The following PHACTR2 variants were observed in gnomAD, a reference collection of about 807,000 sequenced individuals.
PHACTR2 encodes phosphatase and actin regulator 2.
Under a neutral mutation model 76.0 loss-of-function variants are expected in PHACTR2, and 30 were observed. The observed-to-expected ratio is 0.39, with a 90% CI of 0.30 to 0.54. The LOEUF (loss-of-function observed/expected upper bound fraction) is 0.54. Ranked by LOEUF, PHACTR2 falls within the 20% of genes least tolerant of loss-of-function variation. The probability of loss-of-function intolerance (pLI) is 0.61; values close to 1 mark genes in which losing one functional copy is unlikely to be tolerated. For synonymous variants in PHACTR2, 292 were observed against 292.5 expected (o/e 1.00, Z 0.02); for missense variants, 696 against 781.1 (o/e 0.89, Z 1.30).
rs1457909255 is a variant in PHACTR2, at chr6:143,653,227, T to C, written c.13+44905T>C. On this transcript the variant is annotated intron_variant, in intron 1 of 11. Transcript: ENST00000305766. The surrounding 1 kb of genome is among the most constrained non-coding windows in gnomAD (Gnocchi z 4.9). ...TTGTGCATCGAGACTCGAGCTGCTT[T>C]GGAGTTTCCCTCTGGATTTTAGTCA... is the stretch of plus-strand genomic sequence containing the variant. Among the ~76,000 whole-genome samples, 1 of 152,198 alleles carries C rather than the reference T, an allele frequency of 6.6e-6. No individual in the cohort carries two copies. The highest frequency in any genetic ancestry group is 2.4e-5 in the African/African-American group (1 of 41,448).
Position 143,608,389 on chromosome 6 carries a change from G to T in PHACTR2, c.13+67G>T. Reference sequence around the variant, plus strand: ...CTTTGCAGCCCGCATCCTTTACTGCGGAAGGTTTGCCTATTTGTTGCTCTC... The same window carrying T: ...CTTTGCAGCCCGCATCCTTTACTGCTGAAGGTTTGCCTATTTGTTGCTCTC... On this transcript the variant is annotated intron_variant, in intron 1 of 11. Transcript: ENST00000305766. The surrounding 1 kb of genome is among the most constrained non-coding windows in gnomAD (Gnocchi z 4.6). 10 of 1,532,910 alleles carry T rather than the reference G, an allele frequency of 6.5e-6. No homozygotes were observed. The highest frequency in any genetic ancestry group is 9.0e-6 in the Non-Finnish European group (10 of 1,107,412). 95.0% of individuals were successfully genotyped at this position (1,532,910 alleles called of 1,614,324 possible). A position where few individuals can be genotyped will look rare whatever the true frequency, so the allele number is the denominator to read the frequency against.
rs1011646435 is a variant in PHACTR2, at chr6:143,681,370, A to G, written c.46+3161A>G. ...TACTAATGACCTTGAGCATCTTTTC[A>G]TGTGCTATTGGCCATTTGTATATCT... On this transcript the variant is annotated intron_variant, in intron 1 of 12. Coordinates refer to ENST00000440869, the MANE Select transcript of PHACTR2 (RefSeq NM_001100164.2). 2.0e-5 allele frequency among the ~76,000 whole-genome samples: 3 copies of G among 151,988 alleles called. No individual in the cohort carries two copies. In the East Asian group the frequency reaches 5.8e-4, roughly 29 times the overall value.
rs1776289085 is a variant in PHACTR2, at chr6:143,816,083, G to GA, written c.1923-7587dup. On this transcript the variant is annotated intron_variant, in intron 12 of 12. Coordinates refer to ENST00000440869, the MANE Select transcript of PHACTR2 (RefSeq NM_001100164.2). The surrounding 1 kb of genome is among the most constrained non-coding windows in gnomAD (Gnocchi z 4.5). ...TGTATTGCAGTTTTAAAAGAAAGAA[G>GA]AAAATATGTATGACTTTAGATTGGA... Among the ~76,000 whole-genome samples, 1 of 152,034 alleles carries GA rather than the reference G, an allele frequency of 6.6e-6. No individual in the cohort carries two copies. Among genetic ancestry groups the GA allele is most frequent in the Non-Finnish European group, 1.5e-5 (1 of 67,980 alleles).
chr6:143,813,498 G>T (rs1201292290), intron 12 of PHACTR2, among the ~76,000 whole-genome samples: 3 of 151,690 alleles, frequency 2.0e-5, no homozygotes, highest in African/African-American at 7.3e-5. Context: ...GGCGCCTGTA[G>T]TGCCAGCTAC....
chr6:143,643,570 T>G (rs1380283266), intron 1 of PHACTR2, among the ~76,000 whole-genome samples: 1 of 152,178 alleles, frequency 6.6e-6, no homozygotes, highest in Non-Finnish European at 1.5e-5. Context: ...GGAAGGAAAA[T>G]GTACCTTCAG....
At chr6:143,582,578 TA>T (rs970410431) in intron 1 of PHACTR2, among the ~76,000 whole-genome samples, 14 of 148,918 alleles carry the variant, frequency 9.4e-5, no homozygotes, top group South Asian at 2.1e-4. Context: ...TTTATAACAT[TA>T]AAAAAAAAAC....
rs557621164 is a variant in PHACTR2 at position 143,627,906 on chromosome 6, A to G, written c.13+19584A>G. The stretch of plus-strand genomic sequence containing the variant: ...ATCTGGTTCCAAAGCCTTTTCATCT[A>G]CCTCAAGAAAACCCTATACCCATTG... On this transcript the variant is annotated intron_variant, in intron 1 of 11. Transcript: ENST00000305766. This position sits in a 1 kb window ranked among gnomAD's most constrained non-coding sequence, Gnocchi z 4.3. 3.3e-5 allele frequency among the ~76,000 whole-genome samples: 5 copies of G among 152,030 alleles called. No individual in the cohort carries two copies. The highest frequency in any genetic ancestry group is 7.4e-5 in the Non-Finnish European group (5 of 68,022).
intron 2 of PHACTR2, among the ~76,000 whole-genome samples, chr6:143,725,746 A>G (rs1270418404): frequency 1.3e-5 from 2 of 151,600 alleles, no homozygotes; most frequent in African/African-American, 4.9e-5. Context: ...CAATCACTTG[A>G]ACCCGGGAGG....
At position 143,546,043 on chromosome 6, in the gene PHACTR2, A is replaced by G. The variant is rs527436347; in HGVS notation, c.217+8836A>G. Among the ~76,000 whole-genome samples, 1 of 152,340 alleles carries G rather than the reference A, an allele frequency of 6.6e-6. No homozygotes were observed. The highest frequency in any genetic ancestry group is 2.1e-4 in the South Asian group (1 of 4,828). ...TGTGTTTAATTCATGCCCAAGAACC[A>G]TATCTTGTCTCAAGGTACAAGTGTA... On this transcript the variant is annotated intron_variant, in intron 1 of 11. Transcript: ENST00000367584. The surrounding 1 kb of genome is among the most constrained non-coding windows in gnomAD (Gnocchi z 4.9).
In PHACTR2 at chr6:143,625,847, TA is replaced by T. The variant is rs1776248768; in HGVS notation, c.13+17529del. Among the ~76,000 whole-genome samples the T allele has an allele frequency of 6.6e-6, 1 of 152,150 alleles. No homozygotes were observed. The highest frequency in any genetic ancestry group is 2.1e-4 in the South Asian group (1 of 4,820). On this transcript the variant is annotated intron_variant, in intron 1 of 11. Transcript: ENST00000305766. The surrounding 1 kb of genome is among the most constrained non-coding windows in gnomAD (Gnocchi z 4.3). ...ACCAGATCAACAAGTAAATGTATGA[TA>T]AAATGCCAGGAAGTGGTAAGAACCA...
chr6:143,719,874 G>A (rs530650882), intron 2 of PHACTR2, among the ~76,000 whole-genome samples: 6 of 140,830 alleles, frequency 4.3e-5, no homozygotes, highest in African/African-American at 8.1e-5. Context: ...GTGCAATGGC[G>A]TAATCTCACT....
chr6:143,583,688 C>T lies in PHACTR2; in HGVS notation c.217+46481C>T, dbSNP rs1417883661. On this transcript the variant is annotated intron_variant, in intron 1 of 11. Coordinates refer to the PHACTR2 transcript ENST00000367584. This position sits in a 1 kb window ranked among gnomAD's most constrained non-coding sequence, Gnocchi z 4.0. ...TGATAGCTTGATTTTGCCAGTTATA[C>T]ACCCAAAGACTTTGGACATTGGTGT... 6.6e-6 allele frequency among the ~76,000 whole-genome samples: 1 copy of T among 152,240 alleles called. No individual in the cohort carries two copies. Among genetic ancestry groups the T allele is most frequent in the African/African-American group, 2.4e-5 (1 of 41,464 alleles).
intron 1 of PHACTR2, among the ~76,000 whole-genome samples, chr6:143,665,037 G>T (rs982143599): frequency 6.6e-6 from 1 of 152,090 alleles, no homozygotes; most frequent in South Asian, 2.1e-4. Flanking sequence ...GACCTCAAGT[G>T]ATCTGCCAGC....
intron 2 of PHACTR2, among the ~76,000 whole-genome samples, chr6:143,727,447 T>C (rs899436558): frequency 6.6e-5 from 10 of 152,346 alleles, no homozygotes; most frequent in East Asian, 1.9e-4. Flanking sequence ...TTTGATATAC[T>C]GAGTTCCATT....
At chr6:143,812,592 C>T (rs2128485089) in intron 12 of PHACTR2, among the ~76,000 whole-genome samples, 1 of 152,266 alleles carries the variant, frequency 6.6e-6, no homozygotes, top group East Asian at 1.9e-4. Context: ...CCAGATGGTG[C>T]CCTGGAATTG....
chr6:143,540,853 G>A (rs1428186265), intron 1 of PHACTR2, among the ~76,000 whole-genome samples: 2 of 152,204 alleles, frequency 1.3e-5, no homozygotes, highest in Non-Finnish European at 2.9e-5. Context: ...TTATAAAAAC[G>A]TGGATTCATT....
chr6:143,767,966 T>A lies in PHACTR2; in HGVS notation c.1232+2168T>A, dbSNP rs1007415244. ...AATTCTCCTGCCTCAGCCTCCCCAGTAACTGGAACTACGGGTGCCTGCCAC... is the reference window on the plus strand; with the variant it reads ...AATTCTCCTGCCTCAGCCTCCCCAGAAACTGGAACTACGGGTGCCTGCCAC... On this transcript the variant is annotated intron_variant, in intron 6 of 12. Transcript: ENST00000440869. The surrounding 1 kb of genome is among the most constrained non-coding windows in gnomAD (Gnocchi z 4.4). Among the ~76,000 whole-genome samples the A allele has an allele frequency of 6.6e-6, 1 of 152,130 alleles. No individual in the cohort carries two copies. The highest frequency in any genetic ancestry group is 1.5e-5 in the Non-Finnish European group (1 of 68,014).
intron 1 of PHACTR2, among the ~76,000 whole-genome samples, chr6:143,584,290 T>C (rs374114744): frequency 5.3e-5 from 8 of 152,204 alleles, no homozygotes; most frequent in African/African-American, 1.9e-4. Flanking sequence ...CAGAGATCAA[T>C]GGACTAGAGA....
At chr6:143,573,054 G>A (rs1314402866) in intron 1 of PHACTR2, among the ~76,000 whole-genome samples, 1 of 152,138 alleles carries the variant, frequency 6.6e-6, no homozygotes, top group Non-Finnish European at 1.5e-5. Context: ...AGTACCTAAT[G>A]TTCTCATAGA....
Sources: gnomAD v4.1 joint callset for allele counts (sites outside exome capture counted in the v4.1 genomes callset) on GRCh38, gnomAD v4.1.1 for gene constraint, Gnocchi (gnomAD v3.1) non-coding constraint, MANE v1.5 for transcripts, NCBI Gene and HGNC (gene_info 2026-07-23, HGNC 2026-07-21) for gene names.